Variants in JPH3 observed in about 807,000 individuals in gnomAD.
The protein encoded by JPH3 is junctophilin-3.
A neutral mutation model predicts 59.6 loss-of-function variants in JPH3; 11 were observed. The ratio of observed to expected loss-of-function variants is 0.18; its 90% CI spans 0.12 to 0.31. The LOEUF is 0.31. Ranked by LOEUF, JPH3 falls within the 10% of genes least tolerant of loss-of-function variation. The pLI, the probability that JPH3 is intolerant of heterozygous loss-of-function variation, is 1.00. For missense variants in JPH3, 1,202 were observed against 1,105.7 expected, an observed-to-expected ratio of 1.09 and a Z score of -1.24; for synonymous variants, 673 against 483.6, an observed-to-expected ratio of 1.39 and a Z score of -5.14.
intron 1 of JPH3, among the ~76,000 whole-genome samples, chr16:87,622,541 C>T (rs2031223312): frequency 6.6e-6 from 1 of 152,202 alleles, no homozygotes; most frequent in Non-Finnish European, 1.5e-5. Flanking sequence ...AGTAGAGCTC[C>T]CCTCTGTGAG....
In JPH3 at chr16:87,689,276, G is replaced by A. The variant is rs570276117; in HGVS notation, c.1286-370G>A. Among the ~76,000 whole-genome samples the A allele has an allele frequency of 2.6e-5, 4 of 152,278 alleles. No individual in the cohort carries two copies. In the East Asian group the frequency reaches 7.7e-4, roughly 29 times the overall value. Reference sequence around the variant, plus strand: ...CCAGACAGGTGGTCAGCTAGGGTGAGGGGCTTCCTCTTACCCTCAGGACAG... The same window carrying A: ...CCAGACAGGTGGTCAGCTAGGGTGAAGGGCTTCCTCTTACCCTCAGGACAG... On this transcript the variant is annotated intron_variant, in intron 3 of 4. Coordinates refer to ENST00000284262, the MANE Select transcript of JPH3 (RefSeq NM_020655.4).
rs180851839 is a variant in JPH3 at position 87,660,884 on chromosome 16, C to A, written c.1160+15849C>A. On this transcript the variant is annotated intron_variant, in intron 2 of 4. Coordinates refer to ENST00000284262, the MANE Select transcript of JPH3 (RefSeq NM_020655.4). The stretch of plus-strand genomic sequence containing the variant: ...GATCTCTCATAGCCTATCATGGTTC[C>A]TCCAAGACTCAGTTTTCTCATCTGT... Among the ~76,000 whole-genome samples the A allele has an allele frequency of 4.3e-3, 653 of 152,328 alleles. 2 individuals carry two copies. Among genetic ancestry groups the A allele is most frequent in the Non-Finnish European group, 7.8e-3 (530 of 68,040 alleles).
chr16:87,636,495 G>T (rs1324119103), intron 1 of JPH3, among the ~76,000 whole-genome samples: 1 of 152,186 alleles, frequency 6.6e-6, no homozygotes, highest in African/African-American at 2.4e-5. Context: ...AGCAACTGCG[G>T]CGAGCGTGGA....
At chr16:87,608,219 T>G (rs1027647355) in intron 1 of JPH3, among the ~76,000 whole-genome samples, 1 of 151,968 alleles carries the variant, frequency 6.6e-6, no homozygotes, top group Admixed American at 6.5e-5. Context: ...AGGGGTGGAG[T>G]GTGGGGGTGG....
intron 1 of JPH3, among the ~76,000 whole-genome samples, chr16:87,629,107 C>G (rs1466301164): frequency 6.6e-6 from 1 of 152,098 alleles, no homozygotes; most frequent in Non-Finnish European, 1.5e-5. Context: ...GCTGTGTGGC[C>G]TTGGGCAAGT....
chr16:87,616,003 G>A (rs937691776), intron 1 of JPH3, among the ~76,000 whole-genome samples: 5 of 152,150 alleles, frequency 3.3e-5, no homozygotes, highest in African/African-American at 9.7e-5. Flanking sequence ...GAGACGGTGC[G>A]TGCAGGGGCA....
intron 2 of JPH3, among the ~76,000 whole-genome samples, chr16:87,677,207 CACACACACACACACACACAAAAAAAA>C (rs1441972807): frequency 8.2e-6 from 1 of 122,458 alleles, no homozygotes; most frequent in Non-Finnish European, 1.7e-5. Context: ...CACACACACA[CACACACACACACACACACAAAAAAAA>C]AAATTAGCCG....
chr16:87,637,255 C>T (rs907130589), intron 1 of JPH3, among the ~76,000 whole-genome samples: 15 of 152,192 alleles, frequency 9.9e-5, no homozygotes, highest in African/African-American at 1.9e-4. Flanking sequence ...AGCACATTCA[C>T]GGGGTTCTGA....
At chr16:87,650,036 C>T (rs1283495664) in intron 2 of JPH3, among the ~76,000 whole-genome samples, 5 of 152,204 alleles carry the variant, frequency 3.3e-5, no homozygotes, top group African/African-American at 7.2e-5. Flanking sequence ...GTTCTGGGGG[C>T]AGGCCCACCT....
chr16:87,667,754 T>C (rs2032908423), intron 2 of JPH3, among the ~76,000 whole-genome samples: 1 of 152,366 alleles, frequency 6.6e-6, no homozygotes, highest in East Asian at 1.9e-4. Flanking sequence ...AGAGAGTATT[T>C]TAGGCTTTGC....
intron 1 of JPH3, among the ~76,000 whole-genome samples, chr16:87,624,458 G>C (rs950631814): frequency 2.0e-5 from 3 of 152,182 alleles, no homozygotes; most frequent in African/African-American, 7.2e-5. Flanking sequence ...GTTGTTTTCA[G>C]GGTTCACCCG....
chr16:87,636,381 C>T (rs1182331519), intron 1 of JPH3, among the ~76,000 whole-genome samples: 2 of 152,232 alleles, frequency 1.3e-5, no homozygotes, highest in Non-Finnish European at 2.9e-5. Flanking sequence ...AGCATAAATG[C>T]AAAGGGCTGG....
chr16:87,689,209 G>A (rs554123420), intron 3 of JPH3, among the ~76,000 whole-genome samples: 2 of 152,328 alleles, frequency 1.3e-5, no homozygotes, highest in Admixed American at 6.5e-5. Context: ...AGTCCCAGGC[G>A]GGTAGGGGTG....
intron 2 of JPH3, among the ~76,000 whole-genome samples, chr16:87,671,826 C>T (rs570240062): frequency 1.0e-3 from 157 of 152,370 alleles, no homozygotes; most frequent in African/African-American, 3.7e-3. Context: ...CACCTGCTTC[C>T]TTCTTAACTG....
Position 87,622,233 on chromosome 16 carries a change from C to T in JPH3, c.382+18705C>T, listed in dbSNP as rs115882716. On this transcript the variant is annotated intron_variant, in intron 1 of 4. Transcript: ENST00000284262. ...CCTCAGCTGGTCCTGTGCGTCCCTG[C>T]GTCTCCAGGACTCTTGGGTGATGGC... is the stretch of plus-strand genomic sequence containing the variant. Among the ~76,000 whole-genome samples, 149 of 152,314 alleles carry T rather than the reference C, an allele frequency of 9.8e-4. 1 individual carries two copies. Among genetic ancestry groups the T allele is most frequent in the African/African-American group, 3.4e-3 (141 of 41,564 alleles).
intron 1 of JPH3, among the ~76,000 whole-genome samples, chr16:87,632,971 A>G (rs1445314785): frequency 2.6e-5 from 4 of 151,952 alleles, no homozygotes; most frequent in African/African-American, 9.7e-5. Context: ...GGGCTCAAGC[A>G]GTCCTTCTGC....
In JPH3 at chr16:87,603,036, T is replaced by A; in HGVS notation, c.-111T>A. ...ACCGCGCTCCGGGGCCGCGTCCTCC[T>A]CTCCTCCGGAAAACGCTCGCGACCC... On this transcript the variant is annotated 5_prime_UTR_variant, in exon 1 of 5. Transcript: ENST00000284262. 4 of 1,397,846 alleles carry A rather than the reference T, an allele frequency of 2.9e-6. No homozygotes were observed. The highest frequency in any genetic ancestry group is 2.9e-6 in the Non-Finnish European group (3 of 1,032,870). The allele number at this position is 1,397,846 out of a possible 1,614,324, so 86.6% of individuals were successfully genotyped here.
chr16:87,658,392 T>C (rs1263753929), intron 2 of JPH3, among the ~76,000 whole-genome samples: 1 of 147,162 alleles, frequency 6.8e-6, no homozygotes, highest in Non-Finnish European at 1.5e-5. Flanking sequence ...CCCTTTCTCT[T>C]TTCCTCCCTC....
intron 1 of JPH3, among the ~76,000 whole-genome samples, chr16:87,607,609 G>C (rs1010044507): frequency 6.6e-6 from 1 of 152,266 alleles, no homozygotes; most frequent in Non-Finnish European, 1.5e-5. Flanking sequence ...CAGAGGCAGT[G>C]GTGTGCTTCG....
Sources: allele counts gnomAD v4.1 joint callset (sites outside exome capture counted in the v4.1 genomes callset), GRCh38; gene constraint gnomAD v4.1.1; transcripts MANE v1.5; gene names NCBI Gene and HGNC (gene_info 2026-07-23, HGNC 2026-07-21).